CCDC3: variants seen among roughly 807,000 people sequenced by gnomAD.
The protein encoded by CCDC3 is coiled-coil domain-containing protein 3.
Under a neutral mutation model 21.4 loss-of-function variants are expected in CCDC3, and 24 were observed. That is an observed-to-expected ratio of 1.12 (90% CI 0.81 to 1.58). The LOEUF (loss-of-function observed/expected upper bound fraction) is 1.58, where lower values mean the gene tolerates loss of function less well. Ranked by LOEUF, CCDC3 falls within the 40% of genes most tolerant of loss-of-function variation. The pLI, the probability that CCDC3 is intolerant of heterozygous loss-of-function variation, is 0.00. For missense variants in CCDC3, 425 were observed against 360.9 expected (o/e 1.18, Z -1.44); for synonymous variants, 186 against 166.0 (o/e 1.12, Z -0.93).
chr10:12,981,657 G>A (rs1316556225), intron 2 of CCDC3, among the ~76,000 whole-genome samples: 1 of 152,180 alleles, frequency 6.6e-6, no homozygotes, highest in Non-Finnish European at 1.5e-5. Context: ...CCTGCTGACT[G>A]CTGACTTTTT....
chr10:13,011,197 A>C (rs952673105), intron 5 of CCDC3, among the ~76,000 whole-genome samples: 1 of 151,510 alleles, frequency 6.6e-6, no homozygotes, highest in African/African-American at 2.4e-5. Flanking sequence ...AAAAAAAAAA[A>C]AAACCTGTGA....
chr10:12,928,152 A>T (rs1247340417), intron 2 of CCDC3, among the ~76,000 whole-genome samples: 1 of 152,244 alleles, frequency 6.6e-6, no homozygotes. Context: ...AGTTTAGAAG[A>T]GGTGACTATA....
intron 3 of CCDC3, among the ~76,000 whole-genome samples, chr10:13,075,134 T>C (rs1323227416): frequency 6.6e-6 from 1 of 152,244 alleles, no homozygotes; most frequent in Non-Finnish European, 1.5e-5. Context: ...TACATCCCTT[T>C]ATAACAAATC....
chr10:13,039,423 A>C (rs75096530), intron 5 of CCDC3, among the ~76,000 whole-genome samples: 1 of 62,576 alleles, frequency 1.6e-5, no homozygotes, highest in African/African-American at 5.5e-5. Flanking sequence ...ACTCTGTCTC[A>C]AAAAAAAAAA....
At chr10:13,006,998 G>A (rs550764063) in intron 5 of CCDC3, among the ~76,000 whole-genome samples, 1 of 152,248 alleles carries the variant, frequency 6.6e-6, no homozygotes, top group East Asian at 1.9e-4. Flanking sequence ...TTACTAGTAT[G>A]CCCCTCCCGA....
At chr10:13,048,341 A>G (rs912109738) in intron 5 of CCDC3, among the ~76,000 whole-genome samples, 3 of 151,672 alleles carry the variant, frequency 2.0e-5, no homozygotes, top group Admixed American at 6.6e-5. Context: ...ACAGGTGCGC[A>G]CCACCACACC....
chr10:13,022,060 T>A lies in CCDC3; in HGVS notation c.-1-23548A>T, dbSNP rs932605954. Reference sequence around the variant, plus strand: ...CAGGTGTGAGCTACCACGCCCAGCCTTACTCCTCTATTTTTCTAACCCATT... The same window carrying A: ...CAGGTGTGAGCTACCACGCCCAGCCATACTCCTCTATTTTTCTAACCCATT... On this transcript the variant is annotated intron_variant, in intron 5 of 6. Coordinates refer to the CCDC3 transcript ENST00000378839. 3.9e-5 allele frequency among the ~76,000 whole-genome samples: 6 copies of A among 152,158 alleles called. No individual in the cohort carries two copies. The East Asian group carries it at 1.2e-3, about 29-fold the overall frequency.
At chr10:13,011,971 G>T (rs1371322858) in intron 5 of CCDC3, among the ~76,000 whole-genome samples, 1 of 152,018 alleles carries the variant, frequency 6.6e-6, no homozygotes, top group Non-Finnish European at 1.5e-5. Context: ...TCAACAAATG[G>T]TGCTGGGATA....
chr10:12,903,883 A>C (rs1834129846), intron 2 of CCDC3, among the ~76,000 whole-genome samples: 1 of 152,256 alleles, frequency 6.6e-6, no homozygotes, highest in Non-Finnish European at 1.5e-5. Context: ...TGGGACCAAC[A>C]AAAGGAAAAT....
At chr10:12,939,270 G>A (rs1446620678) in intron 2 of CCDC3, among the ~76,000 whole-genome samples, 1 of 152,130 alleles carries the variant, frequency 6.6e-6, no homozygotes, top group African/African-American at 2.4e-5. Flanking sequence ...TCCAACTTCT[G>A]TCCAGTCCAT....
At chr10:12,923,546 T>C (rs1487697025) in intron 2 of CCDC3, among the ~76,000 whole-genome samples, 3 of 152,186 alleles carry the variant, frequency 2.0e-5, no homozygotes, top group Admixed American at 2.0e-4. Context: ...CTCCTATGGC[T>C]CTTGGAACCT....
At chr10:13,094,556 A>G (rs1170948335) in intron 3 of CCDC3, among the ~76,000 whole-genome samples, 1 of 151,932 alleles carries the variant, frequency 6.6e-6, no homozygotes, top group African/African-American at 2.4e-5. Flanking sequence ...TGCCCGGCCT[A>G]TTTCAAGATT....
chr10:12,992,775 C>T (rs1835700745), intron 2 of CCDC3, among the ~76,000 whole-genome samples: 1 of 152,066 alleles, frequency 6.6e-6, no homozygotes, highest in South Asian at 2.1e-4. Context: ...TGCAACCAAA[C>T]ACCACCTGTT....
chr10:13,046,473 G>A (rs1456473038), intron 5 of CCDC3, among the ~76,000 whole-genome samples: 2 of 151,650 alleles, frequency 1.3e-5, no homozygotes, highest in Non-Finnish European at 2.9e-5. Flanking sequence ...TTGGGAGGCC[G>A]AGGTGGATCA....
chr10:13,017,441 C>T (rs750487960), intron 5 of CCDC3, among the ~76,000 whole-genome samples: 4 of 144,006 alleles, frequency 2.8e-5, no homozygotes, highest in Non-Finnish European at 4.5e-5. Context: ...TGCTTGAACC[C>T]GGGAGGTGGA....
At chr10:13,092,262 A>G (rs976231181) in intron 3 of CCDC3, among the ~76,000 whole-genome samples, 2 of 152,228 alleles carry the variant, frequency 1.3e-5, no homozygotes, top group Admixed American at 1.3e-4. Flanking sequence ...TCTTGTTTCT[A>G]TAATAAACAG....
intron 3 of CCDC3, among the ~76,000 whole-genome samples, chr10:13,079,113 T>C (rs993633664): frequency 2.0e-4 from 31 of 152,364 alleles, no homozygotes; most frequent in Admixed American, 1.9e-3. Flanking sequence ...ATTACCTTGC[T>C]GAGAAAACTT....
intron 2 of CCDC3, among the ~76,000 whole-genome samples, chr10:12,949,194 A>G (rs1237672410): frequency 6.6e-6 from 1 of 152,180 alleles, no homozygotes; most frequent in East Asian, 1.9e-4. Context: ...AAAGCTGCTA[A>G]GAGAACTCTG....
At chr10:13,075,403 G>A (rs1215471558) in intron 3 of CCDC3, among the ~76,000 whole-genome samples, 1 of 151,926 alleles carries the variant, frequency 6.6e-6, no homozygotes, top group Non-Finnish European at 1.5e-5. Context: ...CGGGGAAGAT[G>A]ACACACAGAT....
Sources: allele counts gnomAD v4.1 joint callset (sites outside exome capture counted in the v4.1 genomes callset), GRCh38; gene constraint gnomAD v4.1.1; transcripts MANE v1.5; gene names NCBI Gene and HGNC (gene_info 2026-07-23, HGNC 2026-07-21).